DPYD: variants seen among roughly 807,000 people sequenced by gnomAD.
DPYD encodes dihydropyrimidine dehydrogenase, also known as dihydropyrimidine dehydrogenase [NADP(+)].
A neutral mutation model predicts 116.2 loss-of-function variants in DPYD; 109 were observed. The ratio of observed to expected loss-of-function variants is 0.94; its 90% confidence interval spans 0.80 to 1.10. The LOEUF (loss-of-function observed/expected upper bound fraction) is 1.10. DPYD is among the 50% of genes least tolerant of loss of function. The pLI is 0.00. For missense variants in DPYD, 1,302 were observed against 1,254.5 expected (o/e 1.04, Z -0.57); for synonymous variants, 440 against 432.0 (o/e 1.02, Z -0.23).
chr1:97,421,131 A>G (rs1254368550), intron 14 of DPYD, among the ~76,000 whole-genome samples: 1 of 152,046 alleles, frequency 6.6e-6, no homozygotes, highest in African/African-American at 2.4e-5. Context: ...AAGCCCCTTA[A>G]TTTCTCCAAG....
intron 14 of DPYD, among the ~76,000 whole-genome samples, chr1:97,438,229 G>T (rs1264967995): frequency 2.6e-5 from 4 of 151,970 alleles, no homozygotes; most frequent in Admixed American, 6.5e-5. Context: ...TGAATTTCAA[G>T]ATCAGCTTGT....
chr1:97,217,483 T>C (rs1269938407), intron 19 of DPYD, among the ~76,000 whole-genome samples: 2 of 152,218 alleles, frequency 1.3e-5, no homozygotes, highest in African/African-American at 4.8e-5. Context: ...TTGTGATTTC[T>C]AAGTGTTTTC....
intron 12 of DPYD, among the ~76,000 whole-genome samples, chr1:97,517,531 C>T (rs374139643): frequency 2.2e-4 from 34 of 152,114 alleles, no homozygotes; most frequent in African/African-American, 7.9e-4. Flanking sequence ...AAACAAACAA[C>T]TTTATTTAAA....
rs184191261 is a variant in DPYD, at chr1:97,637,755, A to T, written c.850+41340T>A. On this transcript the variant is annotated intron_variant, in intron 8 of 22. Transcript: ENST00000370192. ...GTGATGCCTACTCTGCTTTCTAATT[A>T]ATATTTTTATTACTTTACTATACAT... 4.1e-3 allele frequency among the ~76,000 whole-genome samples: 620 copies of T among 152,250 alleles called. 8 individuals are homozygous for T. The highest frequency in any genetic ancestry group is 0.015 in the African/African-American group (603 of 41,566).
At chr1:97,250,184 C>A (rs960573103) in intron 18 of DPYD, among the ~76,000 whole-genome samples, 6 of 151,926 alleles carry the variant, frequency 3.9e-5, no homozygotes, top group African/African-American at 1.5e-4. Flanking sequence ...GCAGGAGAAT[C>A]GCGTGAACAT....
At chr1:97,218,258 G>T (rs569804008) in intron 19 of DPYD, among the ~76,000 whole-genome samples, 1 of 151,982 alleles carries the variant, frequency 6.6e-6, no homozygotes, top group Non-Finnish European at 1.5e-5. Flanking sequence ...TAACAAAACT[G>T]CACTTGTAAT....
intron 3 of DPYD, chr1:97,774,903 A>G (rs1266436300): frequency 7.4e-6 from 2 of 270,542 alleles, no homozygotes; most frequent in Non-Finnish European, 8.0e-6. Flanking sequence ...AACCTTTTGA[A>G]TGTCCAAATC....
chr1:97,605,295 T>C (rs942047324), intron 8 of DPYD, among the ~76,000 whole-genome samples: 2 of 152,060 alleles, frequency 1.3e-5, no homozygotes, highest in African/African-American at 4.8e-5. Context: ...AATTGTAATC[T>C]CTGTAATCCC....
intron 21 of DPYD, among the ~76,000 whole-genome samples, chr1:97,089,776 C>G (rs1191613283): frequency 6.6e-6 from 1 of 150,562 alleles, no homozygotes; most frequent in Non-Finnish European, 1.5e-5. Context: ...TCCCCAGGGC[C>G]CCAGATCATT....
intron 1 of DPYD, among the ~76,000 whole-genome samples, chr1:97,909,912 G>A (rs1021403534): frequency 1.3e-5 from 2 of 152,050 alleles, no homozygotes; most frequent in African/African-American, 4.8e-5. Context: ...CAAACTGAAT[G>A]CCATTACATA....
intron 14 of DPYD, among the ~76,000 whole-genome samples, chr1:97,409,873 T>G (rs1673878781): frequency 6.6e-6 from 1 of 151,550 alleles, no homozygotes; most frequent in Admixed American, 6.6e-5. Context: ...AAGTCAGGAG[T>G]TTGAGACCAG....
At chr1:97,787,707 A>G (rs1323163748) in intron 3 of DPYD, among the ~76,000 whole-genome samples, 1 of 152,256 alleles carries the variant, frequency 6.6e-6, no homozygotes, top group Non-Finnish European at 1.5e-5. Flanking sequence ...GAACAAGGCT[A>G]TAACAATAAT....
At chr1:97,203,679 A>C (rs1348007419) in intron 19 of DPYD, among the ~76,000 whole-genome samples, 1 of 130,758 alleles carries the variant, frequency 7.6e-6, no homozygotes, top group African/African-American at 2.7e-5. Flanking sequence ...CCCCCCAAAA[A>C]AAAAAAAAGA....
chr1:97,638,536 G>GA (rs927488733), intron 8 of DPYD, among the ~76,000 whole-genome samples: 1 of 152,076 alleles, frequency 6.6e-6, no homozygotes, highest in African/African-American at 2.4e-5. Context: ...TTGAGTGAGA[G>GA]AAAATCTTCA....
intron 20 of DPYD, among the ~76,000 whole-genome samples, chr1:97,166,410 A>G (rs1656331008): frequency 6.6e-6 from 1 of 152,058 alleles, no homozygotes; most frequent in Non-Finnish European, 1.5e-5. Flanking sequence ...ACTGGGACCT[A>G]CTGAGAGTGA....
intron 3 of DPYD, among the ~76,000 whole-genome samples, chr1:97,750,496 G>C (rs1286823089): frequency 1.3e-5 from 2 of 152,060 alleles, no homozygotes; most frequent in African/African-American, 4.8e-5. Flanking sequence ...TGCGTTTTTT[G>C]CAATAAGTAA....
At chr1:97,644,951 C>A (rs1389817787) in intron 8 of DPYD, among the ~76,000 whole-genome samples, 1 of 151,984 alleles carries the variant, frequency 6.6e-6, no homozygotes, top group East Asian at 1.9e-4. Flanking sequence ...AAAAATTTTA[C>A]TTTTTTATGC....
chr1:97,158,435 A>T (rs1014125173), intron 20 of DPYD, among the ~76,000 whole-genome samples: 9 of 148,200 alleles, frequency 6.1e-5, no homozygotes, highest in African/African-American at 2.2e-4. Flanking sequence ...TAATGGCAGA[A>T]TACCTCCTTT....
intron 21 of DPYD, chr1:97,095,865 AG>A (rs1650210131): frequency 6.6e-6 from 1 of 152,154 alleles, no homozygotes; most frequent in South Asian, 2.1e-4. Context: ...AAATGACAAC[AG>A]GTGGAATGAG....
Sources: gnomAD v4.1 joint callset for allele counts (sites outside exome capture counted in the v4.1 genomes callset) on GRCh38, gnomAD v4.1.1 for gene constraint, MANE v1.5 for transcripts, NCBI Gene and HGNC (gene_info 2026-07-23, HGNC 2026-07-21) for gene names.